PRICKLE1: variants seen among roughly 807,000 people sequenced by gnomAD.
PRICKLE1 encodes prickle planar cell polarity protein 1, also known as prickle-like protein 1.
Under a neutral mutation model 70.2 loss-of-function variants are expected in PRICKLE1, and 14 were observed. The observed-to-expected ratio is 0.20, with a 90% CI of 0.13 to 0.31. The LOEUF is 0.31. Among genes scored for constraint, PRICKLE1 ranks in the 10% least tolerant of loss-of-function variants. PRICKLE1 has a pLI of 1.00. For missense variants in PRICKLE1, 821 were observed against 1,026.2 expected (o/e 0.80, Z 2.73); for synonymous variants, 357 against 379.9 (o/e 0.94, Z 0.70).
chr12:42,498,437 G>A (rs1251586834), intron 1 of PRICKLE1, among the ~76,000 whole-genome samples: 3 of 152,176 alleles, frequency 2.0e-5, no homozygotes, highest in South Asian at 2.1e-4. Flanking sequence ...GCCTCCCAAA[G>A]TGTTGGGATT....
At chr12:42,564,463 T>A (rs1329223845) in intron 1 of PRICKLE1, among the ~76,000 whole-genome samples, 2 of 149,502 alleles carry the variant, frequency 1.3e-5, no homozygotes, top group Non-Finnish European at 3.0e-5. Flanking sequence ...AAAAAATTGG[T>A]CAGGCGTGGT....
At position 42,470,176 on chromosome 12, in the gene PRICKLE1, A is replaced by G. The variant is rs1465453427; in HGVS notation, c.246+70T>C. Reference sequence around the variant, plus strand: ...CGCCAGTGAGGAGTTGGGGTTTATGAGCAGCATCTCAATGCTTCTCATGCA... The same window carrying G: ...CGCCAGTGAGGAGTTGGGGTTTATGGGCAGCATCTCAATGCTTCTCATGCA... On this transcript the variant is annotated intron_variant, in intron 3 of 7. Coordinates refer to ENST00000345127, the MANE Select transcript of PRICKLE1 (RefSeq NM_153026.3). The G allele has an allele frequency of 6.1e-6, 7 of 1,150,390 alleles. No homozygotes were observed. In the East Asian group the frequency reaches 1.6e-4, roughly 27 times the overall value. 71.3% of individuals were successfully genotyped at this position (1,150,390 alleles called of 1,614,324 possible).
intron 1 of PRICKLE1, among the ~76,000 whole-genome samples, chr12:42,560,781 C>T (rs1940499429): frequency 3.4e-5 from 1 of 29,800 alleles, no homozygotes; most frequent in Non-Finnish European, 6.1e-5. Flanking sequence ...CACACACACA[C>T]ACACACACAC....
chr12:42,472,596 C>G, intron 1 of PRICKLE1, 32 bp from the exon 2 acceptor site: 1 of 1,572,348 alleles, frequency 6.4e-7, no homozygotes, highest in Non-Finnish European at 8.7e-7. Context: ...ACAAAGACAT[C>G]TAAAACCTGA....
chr12:42,532,352 G>A (rs1447951477), intron 1 of PRICKLE1, among the ~76,000 whole-genome samples: 5 of 152,116 alleles, frequency 3.3e-5, no homozygotes, highest in South Asian at 2.1e-4. Flanking sequence ...GTTAAGAACC[G>A]GTCAAATAAT....
Position 42,466,412 on chromosome 12 carries a change from A to G in PRICKLE1, c.589-32T>C, listed in dbSNP as rs749014488. ...AAAGAAATGTGAAACCAGAGAATGA[A>G]AGAAAATCATTAGGAACTATTTTAA... On this transcript the variant is annotated intron_variant, in intron 5 of 7. Coordinates refer to ENST00000345127, the MANE Select transcript of PRICKLE1 (RefSeq NM_153026.3). 3.9e-5 allele frequency: 62 copies of G among 1,600,898 alleles called. No individual in the cohort carries two copies. In the South Asian group the frequency reaches 6.4e-4, roughly 16 times the overall value.
At position 42,458,479 on chromosome 12, in the gene PRICKLE1, C is replaced by G. The variant is rs1001695167; in HGVS notation, c.*1330G>C. 6.6e-6 allele frequency: 1 copy of G among 152,182 alleles called. No individual in the cohort carries two copies. Among genetic ancestry groups the G allele is most frequent in the East Asian group, 1.9e-4 (1 of 5,202 alleles). The allele number at this position is 152,182 out of a possible 1,614,324, so 9.4% of individuals were successfully genotyped here. A position where few individuals can be genotyped will look rare whatever the true frequency, so the allele number is the denominator to read the frequency against. On this transcript the variant is annotated 3_prime_UTR_variant, in exon 8 of 8. Coordinates refer to ENST00000345127, the MANE Select transcript of PRICKLE1 (RefSeq NM_153026.3). Reference sequence around the variant, plus strand: ...ATATCAAAATATCTGCTCATTGGTTCAGATCCAACGTAAGTTTTCCTTGAA... The same window carrying G: ...ATATCAAAATATCTGCTCATTGGTTGAGATCCAACGTAAGTTTTCCTTGAA...
intron 1 of PRICKLE1, among the ~76,000 whole-genome samples, chr12:42,573,107 T>C (rs886851262): frequency 6.6e-5 from 10 of 152,328 alleles, no homozygotes; most frequent in African/African-American, 2.2e-4. Context: ...TTCTGATCGC[T>C]AATCAGACTG....
intron 1 of PRICKLE1, among the ~76,000 whole-genome samples, chr12:42,482,096 T>A (rs1938812885): frequency 6.6e-6 from 1 of 152,118 alleles, no homozygotes; most frequent in African/African-American, 2.4e-5. Context: ...ATTTTCGAGG[T>A]AAACCTCCAT....
At chr12:42,543,871 C>T (rs75237000) in intron 1 of PRICKLE1, among the ~76,000 whole-genome samples, 3 of 152,128 alleles carry the variant, frequency 2.0e-5, no homozygotes, top group African/African-American at 4.8e-5. Flanking sequence ...AGAAGCCTCA[C>T]TGATAACGTA....
intron 1 of PRICKLE1, among the ~76,000 whole-genome samples, chr12:42,477,113 A>G (rs1228414565): frequency 8.6e-5 from 13 of 151,432 alleles, no homozygotes; most frequent in Admixed American, 2.0e-4. Flanking sequence ...TAGCTCACGC[A>G]TGTAATCCCA....
chr12:42,549,599 C>T (rs183898882), intron 1 of PRICKLE1, among the ~76,000 whole-genome samples: 1 of 152,280 alleles, frequency 6.6e-6, no homozygotes, highest in African/African-American at 2.4e-5. Context: ...CAACAATTGC[C>T]TAAACCCAAA....
chr12:42,553,765 T>A (rs1183841165), intron 1 of PRICKLE1, among the ~76,000 whole-genome samples: 1 of 152,154 alleles, frequency 6.6e-6, no homozygotes, highest in Non-Finnish European at 1.5e-5. Flanking sequence ...CCAGGTGACC[T>A]GCAGCAAATC....
intron 1 of PRICKLE1, among the ~76,000 whole-genome samples, chr12:42,554,593 C>G (rs1940383061): frequency 6.6e-6 from 1 of 152,228 alleles, no homozygotes; most frequent in South Asian, 2.1e-4. Flanking sequence ...AAAGGGCGAA[C>G]TGGAAACCTG....
chr12:42,561,734 C>T (rs1940516162), intron 1 of PRICKLE1, among the ~76,000 whole-genome samples: 1 of 151,968 alleles, frequency 6.6e-6, no homozygotes, highest in Non-Finnish European at 1.5e-5. Context: ...ACACAGTAAC[C>T]ATGAAATATT....
intron 1 of PRICKLE1, among the ~76,000 whole-genome samples, chr12:42,557,164 T>C (rs1046814902): frequency 4.6e-5 from 7 of 152,140 alleles, no homozygotes; most frequent in African/African-American, 1.7e-4. Flanking sequence ...GACTGGTACA[T>C]TGAGTGCTAC....
rs775005543 is a variant in PRICKLE1, at chr12:42,458,105, C to G, written c.*1704G>C. The G allele has an allele frequency of 1.3e-5, 2 of 152,166 alleles. No individual in the cohort carries two copies. Among genetic ancestry groups the G allele is most frequent in the African/African-American group, 2.4e-5 (1 of 41,430 alleles). The allele number at this position is 152,166 out of a possible 1,614,324, so 9.4% of individuals were successfully genotyped here. A position where few individuals can be genotyped will look rare whatever the true frequency, so the allele number is the denominator to read the frequency against. On this transcript the variant is annotated 3_prime_UTR_variant, in exon 8 of 8. Coordinates refer to ENST00000345127, the MANE Select transcript of PRICKLE1 (RefSeq NM_153026.3). ...GTGGGACGGCTGTCCACCTACTACT[C>G]GCTGGTTTACCCATTGGACTTGTGT...
At chr12:42,462,144 T>C (rs1450322907) in intron 7 of PRICKLE1, among the ~76,000 whole-genome samples, 1 of 152,114 alleles carries the variant, frequency 6.6e-6, no homozygotes, top group African/African-American at 2.4e-5. Flanking sequence ...TTCAGCTTAT[T>C]ATTGTCAAGG....
chr12:42,560,506 C>A (rs1940492838), intron 1 of PRICKLE1, among the ~76,000 whole-genome samples: 1 of 135,462 alleles, frequency 7.4e-6, no homozygotes, highest in African/African-American at 3.5e-5. Context: ...TTATCTGGGA[C>A]TATTTGTTAG....
Sources: allele counts gnomAD v4.1 joint callset (sites outside exome capture counted in the v4.1 genomes callset), GRCh38; gene constraint gnomAD v4.1.1; transcripts MANE v1.5; gene names NCBI Gene and HGNC (gene_info 2026-07-23, HGNC 2026-07-21).